CNBD1: variants seen among roughly 807,000 people sequenced by gnomAD.
CNBD1 encodes cyclic nucleotide-binding domain-containing protein 1.
Under a neutral mutation model 54.4 loss-of-function variants are expected in CNBD1, and 71 were observed. That is an observed-to-expected ratio of 1.30 (90% CI 1.08 to 1.59). The LOEUF is 1.59. Ranked by LOEUF, CNBD1 falls within the 40% of genes most tolerant of loss-of-function variation. CNBD1 has a pLI of 0.00. For missense variants in CNBD1, 659 were observed against 518.0 expected (o/e 1.27, Z -2.64); for synonymous variants, 182 against 170.7 (o/e 1.07, Z -0.51).
At chr8:87,373,141 G>A (rs761440583) in intron 10 of CNBD1, among the ~76,000 whole-genome samples, 1 of 151,712 alleles carries the variant, frequency 6.6e-6, no homozygotes, top group African/African-American at 2.4e-5. Context: ...ATTGGAAGTT[G>A]TGGGTTTAAT....
At chr8:87,045,734 A>AAC (rs1554549766) in intron 4 of CNBD1, among the ~76,000 whole-genome samples, 1 of 149,312 alleles carries the variant, frequency 6.7e-6, no homozygotes, top group African/African-American at 2.5e-5. Flanking sequence ...CAAAAAAAAA[A>AAC]AAAAAAAAAA....
At position 87,026,633 on chromosome 8, in the gene CNBD1, T is replaced by C. The variant is rs137985484; in HGVS notation, c.431+86879T>C. Among the ~76,000 whole-genome samples, 655 of 152,274 alleles carry C rather than the reference T, an allele frequency of 4.3e-3. 6 individuals carry two copies. Among genetic ancestry groups the C allele is most frequent in the African/African-American group, 0.015 (627 of 41,556 alleles). ...CAAAAATTCACCAAACAAGATCCTT[T>C]CTCTAAAAAAATTTTCTTTTCTTTA... On this transcript the variant is annotated intron_variant, in intron 4 of 10. Transcript: ENST00000518476.
At chr8:87,076,909 T>G (rs978789863) in intron 4 of CNBD1, among the ~76,000 whole-genome samples, 1 of 152,228 alleles carries the variant, frequency 6.6e-6, no homozygotes, top group Non-Finnish European at 1.5e-5. Context: ...CAAGACTGTC[T>G]TGCATCATTG....
intron 5 of CNBD1, among the ~76,000 whole-genome samples, chr8:87,221,335 C>A (rs986927403): frequency 3.9e-5 from 6 of 152,040 alleles, no homozygotes; most frequent in Admixed American, 3.9e-4. Flanking sequence ...TAAGTGAATT[C>A]TTTAAAATAC....
At chr8:87,236,594 T>C (rs1807588406) in intron 5 of CNBD1, among the ~76,000 whole-genome samples, 1 of 151,668 alleles carries the variant, frequency 6.6e-6, no homozygotes, top group Non-Finnish European at 1.5e-5. Context: ...AGGGCTTTTC[T>C]GGTCCCATTT....
At chr8:87,343,213 T>C (rs940131645) in intron 8 of CNBD1, among the ~76,000 whole-genome samples, 1 of 152,172 alleles carries the variant, frequency 6.6e-6, no homozygotes, top group African/African-American at 2.4e-5. Flanking sequence ...TTGCAGTTAT[T>C]CCGTTCTTTT....
At chr8:87,192,988 C>G (rs1237639943) in intron 4 of CNBD1, among the ~76,000 whole-genome samples, 1 of 152,084 alleles carries the variant, frequency 6.6e-6, no homozygotes, top group African/African-American at 2.4e-5. Context: ...AAGTGGTAAT[C>G]GCTTCTCTAT....
chr8:87,058,052 A>G (rs1810460255), intron 4 of CNBD1, among the ~76,000 whole-genome samples: 1 of 152,170 alleles, frequency 6.6e-6, no homozygotes, highest in South Asian at 2.1e-4. Flanking sequence ...ACAGGCATTG[A>G]GGAAATACAC....
intron 5 of CNBD1, among the ~76,000 whole-genome samples, chr8:87,235,604 A>G (rs1312155631): frequency 6.6e-6 from 1 of 152,164 alleles, no homozygotes; most frequent in Non-Finnish European, 1.5e-5. Flanking sequence ...ATATGTGCAT[A>G]GTTTGCGGTG....
At chr8:87,422,512 A>G (rs1807958606) in intron 2 of CNBD1, among the ~76,000 whole-genome samples, 1 of 151,696 alleles carries the variant, frequency 6.6e-6, no homozygotes, top group Non-Finnish European at 1.5e-5. Flanking sequence ...TTTTCCCAGC[A>G]CCATTTATTA....
chr8:86,987,352 T>C (rs1808631888), intron 4 of CNBD1, among the ~76,000 whole-genome samples: 1 of 152,220 alleles, frequency 6.6e-6, no homozygotes, highest in African/African-American at 2.4e-5. Flanking sequence ...TTTTGTAGAC[T>C]GATTTTGTAT....
At chr8:86,994,739 C>A (rs1388327657) in intron 4 of CNBD1, among the ~76,000 whole-genome samples, 1 of 151,742 alleles carries the variant, frequency 6.6e-6, no homozygotes, top group Non-Finnish European at 1.5e-5. Flanking sequence ...ATGTGTGTGT[C>A]GCTTCTCCGT....
intron 10 of CNBD1, among the ~76,000 whole-genome samples, chr8:87,367,134 A>T (rs1335821641): frequency 6.6e-6 from 1 of 152,060 alleles, no homozygotes; most frequent in Non-Finnish European, 1.5e-5. Context: ...TATGTGGCCT[A>T]CATAGGAAAG....
At chr8:87,223,905 T>C (rs1002017552) in intron 5 of CNBD1, among the ~76,000 whole-genome samples, 3 of 152,226 alleles carry the variant, frequency 2.0e-5, no homozygotes, top group Admixed American at 1.3e-4. Flanking sequence ...CAGCACCTGT[T>C]GCTTCCTGAC....
intron 4 of CNBD1, among the ~76,000 whole-genome samples, chr8:87,017,031 T>C (rs999191394): frequency 2.6e-5 from 4 of 152,158 alleles, no homozygotes; most frequent in African/African-American, 9.7e-5. Flanking sequence ...CACAGAATCA[T>C]AGGTTTATTT....
At chr8:87,050,549 C>A (rs2130622887) in intron 4 of CNBD1, among the ~76,000 whole-genome samples, 1 of 152,304 alleles carries the variant, frequency 6.6e-6, no homozygotes, top group Non-Finnish European at 1.5e-5. Flanking sequence ...TGAGGCAGCA[C>A]TGTCCAGGTT....
chr8:87,409,159 A>G (rs1807698877), intron 2 of CNBD1, among the ~76,000 whole-genome samples: 1 of 152,208 alleles, frequency 6.6e-6, no homozygotes, highest in Non-Finnish European at 1.5e-5. Context: ...TTTTGAATGC[A>G]AAGGAGAAGT....
intron 4 of CNBD1, among the ~76,000 whole-genome samples, chr8:87,152,109 T>C (rs1812616598): frequency 6.6e-6 from 1 of 152,046 alleles, no homozygotes; most frequent in Admixed American, 6.6e-5. Flanking sequence ...GTGTTTAATG[T>C]GAAGACTGGC....
chr8:86,967,538 A>G (rs1017246555), intron 4 of CNBD1, among the ~76,000 whole-genome samples: 3 of 152,270 alleles, frequency 2.0e-5, no homozygotes, highest in South Asian at 2.1e-4. Context: ...TCTGCCATCA[A>G]TGTCTTCTAT....
Sources: gnomAD v4.1 joint callset for allele counts (sites outside exome capture counted in the v4.1 genomes callset) on GRCh38, gnomAD v4.1.1 for gene constraint, MANE v1.5 for transcripts, NCBI Gene and HGNC (gene_info 2026-07-23, HGNC 2026-07-21) for gene names.